The following PABPC1L variants were observed in gnomAD, a reference collection of about 807,000 sequenced individuals.
PABPC1L encodes the protein polyadenylate-binding protein 1-like.
In PABPC1L, 31 loss-of-function variants were observed where a neutral mutation model predicts 66.6. The observed-to-expected ratio is 0.47, with a 90% CI of 0.35 to 0.63. The LOEUF (loss-of-function observed/expected upper bound fraction) is 0.63, where lower values mean the gene tolerates loss of function less well. Among genes scored for constraint, PABPC1L ranks in the 20% least tolerant of loss-of-function variants. PABPC1L has a pLI of 0.00. For missense variants in PABPC1L, 722 were observed against 848.8 expected (o/e 0.85, Z 1.86); for synonymous variants, 348 against 335.1 (o/e 1.04, Z -0.42).
At chr20:44,932,880 C>CT in intron 9 of PABPC1L, 177 bp from the exon 10 acceptor site, 1 of 591,280 alleles carries the variant, frequency 1.7e-6, no homozygotes, top group Non-Finnish European at 3.0e-6. Flanking sequence ...GATTCCTACA[C>CT]TCCCCCTTTC....
Position 44,938,665 on chromosome 20 carries a change from G to A in PABPC1L, c.1792-9G>A. On this transcript the variant is annotated splice_polypyrimidine_tract_variant and intron_variant, in intron 13 of 14. Coordinates refer to ENST00000217073, the MANE Select transcript of PABPC1L (RefSeq NM_001372179.1). ...TGCACTAAGCCCCCCCGCCACTCATGTCTCACAGATAGACGAGGCAGTGGC... is the reference window on the plus strand; with the variant it reads ...TGCACTAAGCCCCCCCGCCACTCATATCTCACAGATAGACGAGGCAGTGGC... 2 of 1,605,786 alleles carry A rather than the reference G, an allele frequency of 1.2e-6. No homozygotes were observed. The highest frequency in any genetic ancestry group is 2.2e-5 in the South Asian group (2 of 89,110).
At chr20:44,911,743 T>A (rs1479428915) in intron 1 of PABPC1L, among the ~76,000 whole-genome samples, 1 of 152,172 alleles carries the variant, frequency 6.6e-6, no homozygotes, top group African/African-American at 2.4e-5. Flanking sequence ...TCTTCCCATC[T>A]TCCTCCAAGC....
At chr20:44,935,070 GAAAA>G (rs576914712) in intron 10 of PABPC1L, among the ~76,000 whole-genome samples, 1 of 130,108 alleles carries the variant, frequency 7.7e-6, no homozygotes, top group South Asian at 2.5e-4. Context: ...TCTGTCTCAG[GAAAA>G]AAAAAAAAAA....
intron 7 of PABPC1L, among the ~76,000 whole-genome samples, chr20:44,929,924 A>G (rs942060775): frequency 6.6e-6 from 1 of 152,196 alleles, no homozygotes; most frequent in Non-Finnish European, 1.5e-5. Flanking sequence ...CCAAATTCCT[A>G]AAGAACTTGG....
At chr20:44,932,584 C>A in intron 9 of PABPC1L, 152 bp downstream of exon 9, 1 of 627,946 alleles carries the variant, frequency 1.6e-6, no homozygotes, top group Non-Finnish European at 2.7e-6. Context: ...TGAGCATGGG[C>A]CTGAATGAGA....
chr20:44,910,291 C>A lies in PABPC1L; in HGVS notation c.148C>A (p.Arg50Ser), dbSNP rs753360906. The change falls in exon 1 of 15, where the codon CGC becomes AGC. Residue 50 changes from arginine to serine, a missense_variant. By Grantham distance (110) the Arg-to-Ser change is moderately radical (BLOSUM62 -1). Coordinates refer to ENST00000217073, the MANE Select transcript of PABPC1L (RefSeq NM_001372179.1). Reference sequence around the variant, plus strand: ...CGTGTGCCGCGATGTAGCCACCCGGCGCTCGCTGGGCTACGCCTACATCAA... The same window carrying A: ...CGTGTGCCGCGATGTAGCCACCCGGAGCTCGCTGGGCTACGCCTACATCAA... ...IRVCRDVATR[R>S]SLGYAYINFQ... The A allele has an allele frequency of 7.8e-6, 12 of 1,547,552 alleles. No individual in the cohort carries two copies. In the African/African-American group the frequency reaches 1.4e-4, roughly 18 times the overall value.
At chr20:44,922,560 T>C (rs1294256564) in intron 6 of PABPC1L, among the ~76,000 whole-genome samples, 1 of 152,020 alleles carries the variant, frequency 6.6e-6, no homozygotes, top group Non-Finnish European at 1.5e-5. Flanking sequence ...TTAATAGAGA[T>C]GGAGTTCATC....
chr20:44,919,193 G>C lies in PABPC1L; in HGVS notation c.654G>C (p.Leu218=). 6.2e-7 allele frequency: 1 copy of C among 1,614,224 alleles called. No homozygotes were observed. The highest frequency in any genetic ancestry group is 8.5e-7 in the Non-Finnish European group (1 of 1,180,036). The part of the protein sequence containing the change: ...QDLFSQFGKM[L]SVKVMRDNSG... ...GTTGGTCCTTTGCAGGGAAAATGCT[G>C]AGTGTGAAGGTGATGAGGGACAACA... is the stretch of plus-strand genomic sequence containing the variant. The change falls in exon 5 of 15, where the codon CTG becomes CTC. Residue 218 remains leucine, a synonymous_variant. Coordinates refer to ENST00000217073, the MANE Select transcript of PABPC1L (RefSeq NM_001372179.1).
rs776614116 is a variant in PABPC1L, at chr20:44,912,649, C to T, written c.194-11C>T. 2 of 1,594,694 alleles carry T rather than the reference C, an allele frequency of 1.3e-6. No homozygotes were observed. The highest frequency in any genetic ancestry group is 4.5e-5 in the East Asian group (2 of 44,532). On this transcript the variant is annotated splice_polypyrimidine_tract_variant and intron_variant, in intron 1 of 14. Transcript: ENST00000217073. Reference sequence around the variant, plus strand: ...AAACTTGCTAATTTCTCTCCTCTTCCTTCTGTCCAGCGGAGCGGGCACTGG... The same window carrying T: ...AAACTTGCTAATTTCTCTCCTCTTCTTTCTGTCCAGCGGAGCGGGCACTGG...
intron 9 of PABPC1L, 189 bp downstream of exon 9, chr20:44,932,621 T>C (rs1317636674): frequency 2.0e-5 from 11 of 540,328 alleles, no homozygotes; most frequent in Admixed American, 3.3e-5. Context: ...AGCACAGTGG[T>C]GAGCCAATGG....
chr20:44,933,241 T>G, intron 10 of PABPC1L, 56 bp downstream of exon 10: 3 of 1,419,656 alleles, frequency 2.1e-6, no homozygotes, highest in East Asian at 2.4e-5. Context: ...GCACTAGGAG[T>G]CAGGACCAGC....
At chr20:44,916,645 C>T in intron 2 of PABPC1L, 111 bp from the exon 3 acceptor site, 2 of 983,992 alleles carry the variant, frequency 2.0e-6, no homozygotes. Context: ...TGCAGGATTG[C>T]CTTTTCCAGG....
chr20:44,932,271 C>T, intron 8 of PABPC1L, 71 bp from the exon 9 acceptor site: 1 of 1,239,242 alleles, frequency 8.1e-7, no homozygotes, highest in Non-Finnish European at 1.1e-6. Context: ...CCATGGTGTC[C>T]CTGAGGAGGT....
In PABPC1L at chr20:44,935,435, T is replaced by A. The variant is rs1193437851; in HGVS notation, c.1504T>A (p.Cys502Ser). Residue 502 changes from cysteine (C) to serine (S), a missense_variant, in exon 11 of 15, where the codon TGT becomes AGT. By Grantham distance (112) the Cys-to-Ser change is moderately radical. This residue lies in a region of PABPC1L where 301 missense variants were observed against 337.2 expected (regional missense o/e 0.89). Coordinates refer to ENST00000217073, the MANE Select transcript of PABPC1L (RefSeq NM_001372179.1). ...CACAGGACCCAGTGGGGTAGGATGC[T>A]GTACACCAGGCCGGCCGCTCCTGCC... ...QTTGPSGVGC[C>S]TPGRPLLPCK... The A allele has an allele frequency of 1.2e-6, 2 of 1,614,100 alleles. No individual in the cohort carries two copies. Among genetic ancestry groups the A allele is most frequent in the Non-Finnish European group, 1.7e-6 (2 of 1,180,050 alleles).
intron 1 of PABPC1L, 92 bp from the exon 2 acceptor site, chr20:44,912,568 A>G (rs570596711): frequency 1.8e-6 from 2 of 1,102,734 alleles, no homozygotes; most frequent in Non-Finnish European, 2.6e-6. Flanking sequence ...CTTTCTCTTT[A>G]TTGGCTCCCA....
intron 12 of PABPC1L, 184 bp from the exon 13 acceptor site, chr20:44,937,877 C>G (rs6031872): frequency 1.3e-6 from 1 of 794,348 alleles, no homozygotes; most frequent in East Asian, 2.8e-5. Context: ...GGCTGACCAC[C>G]AATACCAGGC....
rs565739046 is a variant in PABPC1L, at chr20:44,928,787, C to T, written c.973-1673C>T. Among the ~76,000 whole-genome samples the T allele has an allele frequency of 2.3e-5, 3 of 129,488 alleles. No homozygotes were observed. In the South Asian group the frequency reaches 7.6e-4, roughly 33 times the overall value. The allele number at this position is 129,488 out of a possible 152,430, so 84.9% of individuals were successfully genotyped here. A position where few individuals can be genotyped will look rare whatever the true frequency, so the allele number is the denominator to read the frequency against. Reference sequence around the variant, plus strand: ...ACTGAGTTGAGAGGATCACTTGAGGCTGAGAGGTTGAGGGTGCAGTTGAGC... The same window carrying T: ...ACTGAGTTGAGAGGATCACTTGAGGTTGAGAGGTTGAGGGTGCAGTTGAGC... On this transcript the variant is annotated intron_variant, in intron 7 of 14. Transcript: ENST00000217073.
Position 44,935,517 on chromosome 20 carries a change from C to T in PABPC1L, c.1566+20C>T, listed in dbSNP as rs2066895022. The T allele has an allele frequency of 6.2e-7, 1 of 1,608,116 alleles. No individual in the cohort carries two copies. The stretch of plus-strand genomic sequence containing the variant: ...TATCGGGTAAGGCCAGCCCAGCTGC[C>T]TGCTCTTAGCCTGGGCTCCTGGCCG... On this transcript the variant is annotated intron_variant, in intron 11 of 14. Transcript: ENST00000217073.
intron 10 of PABPC1L, among the ~76,000 whole-genome samples, chr20:44,935,119 C>T (rs6031870): frequency 7.3e-5 from 11 of 151,062 alleles, no homozygotes; most frequent in African/African-American, 2.7e-4. Flanking sequence ...CTCTTTGAAA[C>T]CCTGCTTTCA....
Sources: gnomAD v4.1 joint callset for allele counts (sites outside exome capture counted in the v4.1 genomes callset) on GRCh38, gnomAD v4.1.1 for gene constraint, gnomAD v4.1.1 regional missense constraint, MANE v1.5 for transcripts, NCBI Gene and HGNC (gene_info 2026-07-23, HGNC 2026-07-21) for gene names.